Variants in PIEZO1 observed in about 807,000 individuals in gnomAD.
PIEZO1 encodes piezo-type mechanosensitive ion channel component 1.
Under a neutral mutation model 297.2 loss-of-function variants are expected in PIEZO1, and 296 were observed. The ratio of observed to expected loss-of-function variants is 1.00; its 90% confidence interval spans 0.91 to 1.10. The LOEUF is 1.10. Ranked by LOEUF, PIEZO1 falls within the 50% of genes least tolerant of loss-of-function variation. The pLI is 0.00. For synonymous variants in PIEZO1, 2,427 were observed against 1,507.5 expected, an observed-to-expected ratio of 1.61 and a Z score of -14.13; for missense variants, 5,018 against 3,455.5, an observed-to-expected ratio of 1.45 and a Z score of -11.34.
chr16:88,723,812 T>G (rs1567663860), intron 31 of PIEZO1, 59 bp downstream of exon 31: 1 of 923,994 alleles, frequency 1.1e-6, no homozygotes, highest in African/African-American at 1.6e-5. Flanking sequence ...TATGCTGCCC[T>G]GGTCCAGGAC....
chr16:88,769,612 G>A (rs1010208741), intron 1 of PIEZO1, among the ~76,000 whole-genome samples: 6 of 152,210 alleles, frequency 3.9e-5, no homozygotes, highest in Non-Finnish European at 8.8e-5. Flanking sequence ...ATTCCTGAGG[G>A]TCAGGGCCAA....
At chr16:88,717,853 C>T (rs757678973) in intron 44 of PIEZO1, 1 of 432,978 alleles carries the variant, frequency 2.3e-6, no homozygotes, top group South Asian at 1.7e-5. Context: ...AACCCAACTG[C>T]TGGGTGTGGC....
At position 88,734,054 on chromosome 16, in the gene PIEZO1, C is replaced by T. The variant is rs895467791; in HGVS notation, c.2181G>A (p.Arg727=). 11 of 1,506,320 alleles carry T rather than the reference C, an allele frequency of 7.3e-6. No homozygotes were observed. The African/African-American group carries it at 1.3e-4, about 17-fold the overall frequency. 93.3% of individuals were successfully genotyped at this position (1,506,320 alleles called of 1,614,324 possible). The change falls in exon 17 of 51, where the codon AGG becomes AGA. Residue 727 remains arginine (R), a splice_region_variant and synonymous_variant. Coordinates refer to ENST00000301015, the MANE Select transcript of PIEZO1 (RefSeq NM_001142864.4). ...GTGGGGTCCCACTCACTGCATCCTG[C>T]CTGGGAGAGGGTCCGAAAATGTCAT... ...PGTRLPRWAH[R]QDAVSGTPLL... is the part of the protein sequence containing the mutation.
chr16:88,775,254 C>A (rs916229865), intron 1 of PIEZO1, among the ~76,000 whole-genome samples: 25 of 152,354 alleles, frequency 1.6e-4, no homozygotes, highest in African/African-American at 5.5e-4. Context: ...GGCGCCCACA[C>A]AGGACACAGA....
rs2290899 is a variant in PIEZO1, at chr16:88,721,329, C to G, written c.5505G>C (p.Ala1835=). The G allele has an allele frequency of 5.8e-6, 9 of 1,546,926 alleles. No individual in the cohort carries two copies. Among genetic ancestry groups the G allele is most frequent in the Non-Finnish European group, 7.8e-6 (9 of 1,146,688 alleles). ...CCTGAATGTGGTCTTCGGTGGTGGCCGCAGGCACCCCTGGCCCCTCCTCGG... is the reference window on the plus strand; with the variant it reads ...CCTGAATGTGGTCTTCGGTGGTGGCGGCAGGCACCCCTGGCCCCTCCTCGG... ...QGAEEGPGVP[A]ATTEDHIQVE... The change falls in exon 39 of 51, where the codon GCG becomes GCC. Residue 1835 remains alanine (A), a synonymous_variant. Coordinates refer to ENST00000301015, the MANE Select transcript of PIEZO1 (RefSeq NM_001142864.4).
intron 2 of PIEZO1, chr16:88,745,849 C>G (rs946928570): frequency 6.6e-6 from 1 of 152,156 alleles, no homozygotes; most frequent in Admixed American, 6.5e-5. Context: ...TATTGCAGAC[C>G]GGATGGTTGA....
intron 1 of PIEZO1, among the ~76,000 whole-genome samples, chr16:88,778,562 G>A (rs1264466036): frequency 2.0e-5 from 3 of 152,164 alleles, no homozygotes; most frequent in Non-Finnish European, 4.4e-5. Context: ...GGCCACGCAC[G>A]TCGGCCTAAG....
chr16:88,770,792 C>T (rs1907389014), intron 1 of PIEZO1, among the ~76,000 whole-genome samples: 1 of 152,226 alleles, frequency 6.6e-6, no homozygotes, highest in Admixed American at 6.5e-5. Flanking sequence ...TCCACTGGGC[C>T]CCGCGCGGCC....
intron 10 of PIEZO1, 170 bp downstream of exon 10, chr16:88,737,389 G>A: frequency 1.7e-6 from 1 of 577,970 alleles, no homozygotes; most frequent in South Asian, 2.1e-5. Flanking sequence ...GCTGCCCTGG[G>A]GGTCTCGGGG....
intron 22 of PIEZO1, among the ~76,000 whole-genome samples, chr16:88,730,486 C>T (rs1372616886): frequency 6.6e-6 from 1 of 151,296 alleles, no homozygotes; most frequent in South Asian, 2.1e-4. Context: ...TAATCCTAGC[C>T]ACGAGGGAGG....
At position 88,717,004 on chromosome 16, in the gene PIEZO1, C is replaced by T. The variant is rs746939129; in HGVS notation, c.6660+19G>A. On this transcript the variant is annotated intron_variant, in intron 45 of 50. Transcript: ENST00000301015. ...CCCCCAGGGGATGGGAATGGACAGG[C>T]GGACCCACACATGCTCACCTCATAG... 122 of 1,549,640 alleles carry T rather than the reference C, an allele frequency of 7.9e-5. No individual in the cohort carries two copies. Among genetic ancestry groups the T allele is most frequent in the Middle Eastern group, 3.3e-4 (2 of 5,992 alleles).
Position 88,724,072 on chromosome 16 carries a change from A to G in PIEZO1, c.4235-101T>C. ...CCAAGGCCCGAGAGCCACCCTTCCCATGCGGAGTAGCCGGGAGCAGTGCAG... is the reference window on the plus strand; with the variant it reads ...CCAAGGCCCGAGAGCCACCCTTCCCGTGCGGAGTAGCCGGGAGCAGTGCAG... On this transcript the variant is annotated intron_variant, in intron 30 of 50. Coordinates refer to ENST00000301015, the MANE Select transcript of PIEZO1 (RefSeq NM_001142864.4). 4 of 710,666 alleles carry G rather than the reference A, an allele frequency of 5.6e-6. No individual in the cohort carries two copies. The Admixed American group carries it at 8.9e-5, about 16-fold the overall frequency. The allele number at this position is 710,666 out of a possible 1,614,324, so 44.0% of individuals were successfully genotyped here. A position where few individuals can be genotyped will look rare whatever the true frequency, so the allele number is the denominator to read the frequency against.
Position 88,715,920 on chromosome 16 carries a change from G to T in PIEZO1, c.7316+13C>A. The T allele has an allele frequency of 6.5e-7, 1 of 1,546,850 alleles. No homozygotes were observed. Among genetic ancestry groups the T allele is most frequent in the Non-Finnish European group, 8.7e-7 (1 of 1,144,528 alleles). ...CCCCGAGCTGCGGGGTGCCCCCCCA[G>T]CCACTCACTCACCCGTAGCCAGCCA... On this transcript the variant is annotated intron_variant, in intron 50 of 50. Coordinates refer to ENST00000301015, the MANE Select transcript of PIEZO1 (RefSeq NM_001142864.4).
intron 2 of PIEZO1, among the ~76,000 whole-genome samples, chr16:88,747,535 G>C (rs1019565061): frequency 6.6e-6 from 1 of 152,118 alleles, no homozygotes; most frequent in Non-Finnish European, 1.5e-5. Context: ...AAATAAAAAA[G>C]ACCATTGCCC....
At chr16:88,732,049 G>A (rs775928653) in intron 21 of PIEZO1, 139 bp from the exon 22 acceptor site, 52 of 353,476 alleles carry the variant, frequency 1.5e-4, no homozygotes, top group East Asian at 2.5e-4. Flanking sequence ...GGCCAGCGGC[G>A]CTGTCAAGAG....
chr16:88,732,048 C>T (rs972205686), intron 21 of PIEZO1, 138 bp from the exon 22 acceptor site: 6 of 227,258 alleles, frequency 2.6e-5, no homozygotes, highest in East Asian at 1.7e-4. Context: ...GGGCCAGCGG[C>T]GCTGTCAAGA....
chr16:88,750,486 G>C (rs78478260), intron 1 of PIEZO1, among the ~76,000 whole-genome samples: 1 of 152,172 alleles, frequency 6.6e-6, no homozygotes, highest in Non-Finnish European at 1.5e-5. Context: ...ACCATGTCCC[G>C]TGTCTGCCCT....
rs373949258 is a variant in PIEZO1, at chr16:88,752,866, A to G, written c.65-3387T>C. Among the ~76,000 whole-genome samples the G allele has an allele frequency of 8.4e-4, 123 of 147,206 alleles. No homozygotes were observed. The East Asian group carries it at 0.017, about 21-fold the overall frequency. ...GCAACACGCCCCCCAGAGTTTGTTCACTCATTCATTCATCCATTCATCCAT... is the reference window on the plus strand; with the variant it reads ...GCAACACGCCCCCCAGAGTTTGTTCGCTCATTCATTCATCCATTCATCCAT... On this transcript the variant is annotated intron_variant, in intron 1 of 50. Coordinates refer to ENST00000301015, the MANE Select transcript of PIEZO1 (RefSeq NM_001142864.4).
chr16:88,721,400 A>G lies in PIEZO1; in HGVS notation c.5434T>C (p.Ser1812Pro). 4 of 1,549,378 alleles carry G rather than the reference A, an allele frequency of 2.6e-6. No homozygotes were observed. The highest frequency in any genetic ancestry group is 3.5e-6 in the Non-Finnish European group (4 of 1,146,638). Residue 1812 changes from serine to proline, a missense_variant, in exon 39 of 51, where the codon TCA becomes CCA. Transcript: ENST00000301015. ...CYGLWDHEED[S>P]PSKEHDKSGE... ...CTCTTGTCATGCTCCTTGGATGGTG[A>G]GTCCTCCTCATGGTCCCAGAGGCCA...
Sources: gnomAD v4.1 joint callset for allele counts (sites outside exome capture counted in the v4.1 genomes callset) on GRCh38, gnomAD v4.1.1 for gene constraint, MANE v1.5 for transcripts, NCBI Gene and HGNC (gene_info 2026-07-23, HGNC 2026-07-21) for gene names.